MON2: variants seen among roughly 807,000 people sequenced by gnomAD.
MON2 encodes MON2 regulator of endosome-to-Golgi trafficking.
Under a neutral mutation model 208.6 loss-of-function variants are expected in MON2, and 84 were observed. The observed-to-expected ratio is 0.40, with a 90% CI of 0.34 to 0.48. The LOEUF (loss-of-function observed/expected upper bound fraction) is 0.48, where lower values mean the gene tolerates loss of function less well. Ranked by LOEUF, MON2 falls within the 20% of genes least tolerant of loss-of-function variation. The probability of loss-of-function intolerance (pLI) is 0.59; values close to 1 mark genes in which losing one functional copy is unlikely to be tolerated. For synonymous variants in MON2, 660 were observed against 694.0 expected (o/e 0.95, Z 0.77); for missense variants, 1,611 against 2,015.4 (o/e 0.80, Z 3.84).
At chr12:62,502,270 G>A (rs552237531) in intron 7 of MON2, among the ~76,000 whole-genome samples, 1 of 152,022 alleles carries the variant, frequency 6.6e-6, no homozygotes, top group Admixed American at 6.6e-5. Flanking sequence ...GCATGGTGGT[G>A]CATGTCTGTA....
chr12:62,580,053 G>C (rs2074947029), intron 31 of MON2, among the ~76,000 whole-genome samples: 1 of 152,060 alleles, frequency 6.6e-6, no homozygotes, highest in Non-Finnish European at 1.5e-5. Flanking sequence ...ATCAACATTT[G>C]TCCAAATGGT....
At position 62,532,621 on chromosome 12, in the gene MON2, A is replaced by C. The variant is rs149178566; in HGVS notation, c.1584A>C (p.Thr528=). The change falls in exon 12 of 35, where the codon ACA becomes ACC. Residue 528 remains threonine, a synonymous_variant. Transcript: ENST00000393630. ...TEEGSSPTQS[T]EQQDLQSTSD... is the part of the protein sequence containing the mutation. ...AAGGTTCTTCACCAACACAGTCGAC[A>C]GAACAGCAGGATTTACAGTCAACAT... 3 of 1,614,002 alleles carry C rather than the reference A, an allele frequency of 1.9e-6. No homozygotes were observed. In the African/African-American group the frequency reaches 4.0e-5, roughly 22 times the overall value.
At chr12:62,544,387 A>G (rs1024816809) in intron 20 of MON2, among the ~76,000 whole-genome samples, 7 of 152,190 alleles carry the variant, frequency 4.6e-5, no homozygotes, top group African/African-American at 1.7e-4. Flanking sequence ...TTGACGCTGC[A>G]GTGATCTGTG....
intron 26 of MON2, among the ~76,000 whole-genome samples, chr12:62,562,055 G>A (rs1402246792): frequency 2.6e-5 from 4 of 152,118 alleles, no homozygotes; most frequent in African/African-American, 7.2e-5. Flanking sequence ...AAAATTCAGT[G>A]TAGGGGTATT....
At chr12:62,506,146 A>G (rs1165128683) in intron 7 of MON2, among the ~76,000 whole-genome samples, 1 of 152,208 alleles carries the variant, frequency 6.6e-6, no homozygotes, top group Non-Finnish European at 1.5e-5. Flanking sequence ...TTTAACCAAT[A>G]TACAAAATAA....
At chr12:62,541,997 G>C (rs2073263300) in intron 19 of MON2, among the ~76,000 whole-genome samples, 1 of 152,028 alleles carries the variant, frequency 6.6e-6, no homozygotes, top group African/African-American at 2.4e-5. Context: ...AAAACTTTCA[G>C]AAGAGGTACA....
At chr12:62,484,291 A>G in intron 2 of MON2, 58 bp downstream of exon 2, 3 of 1,099,340 alleles carry the variant, frequency 2.7e-6, no homozygotes, top group Non-Finnish European at 4.0e-6. Flanking sequence ...TAGTAAAAGT[A>G]GAATCTTTAT....
At chr12:62,561,192 A>T in intron 26 of MON2, 79 bp downstream of exon 26, 1 of 1,212,774 alleles carries the variant, frequency 8.2e-7, no homozygotes, top group Admixed American at 2.6e-5. Context: ...ATTTGCGGGG[A>T]TAAATTTTAG....
chr12:62,583,018 G>A (rs1288115841), intron 32 of MON2, among the ~76,000 whole-genome samples: 1 of 152,172 alleles, frequency 6.6e-6, no homozygotes, highest in African/African-American at 2.4e-5. Context: ...TTTAAAAAAT[G>A]CTACATAAAA....
intron 32 of MON2, among the ~76,000 whole-genome samples, chr12:62,582,337 A>G (rs919705016): frequency 2.0e-5 from 3 of 152,156 alleles, no homozygotes; most frequent in African/African-American, 7.2e-5. Flanking sequence ...TTGCCATATG[A>G]CACATGTCTT....
intron 31 of MON2, 36 bp from the exon 32 acceptor site, chr12:62,580,261 A>T: frequency 6.3e-7 from 1 of 1,586,596 alleles, no homozygotes; most frequent in Admixed American, 1.8e-5. Context: ...TCTTTCAAAG[A>T]AAACAATACA....
chr12:62,506,703 G>A (rs2071118338), intron 7 of MON2, among the ~76,000 whole-genome samples: 1 of 147,546 alleles, frequency 6.8e-6, no homozygotes, highest in Non-Finnish European at 1.5e-5. Flanking sequence ...TCCAGCCTGG[G>A]TAACAGAGTG....
intron 1 of MON2, among the ~76,000 whole-genome samples, chr12:62,471,126 T>C (rs1009742283): frequency 6.6e-6 from 1 of 152,124 alleles, no homozygotes; most frequent in African/African-American, 2.4e-5. Flanking sequence ...CTTGGGAAAC[T>C]AGGTGGATCA....
chr12:62,489,082 G>A (rs1401090568), intron 2 of MON2, among the ~76,000 whole-genome samples: 1 of 152,078 alleles, frequency 6.6e-6, no homozygotes, highest in Non-Finnish European at 1.5e-5. Flanking sequence ...ATTTCCTTAT[G>A]TTAGGCATGT....
chr12:62,494,698 C>T (rs969175445), intron 3 of MON2, among the ~76,000 whole-genome samples: 3 of 152,008 alleles, frequency 2.0e-5, no homozygotes, highest in Non-Finnish European at 4.4e-5. Flanking sequence ...TGCATATGTC[C>T]GTATTATTCA....
chr12:62,566,583 C>A, intron 29 of MON2, 133 bp downstream of exon 29: 1 of 945,248 alleles, frequency 1.1e-6, no homozygotes, highest in South Asian at 2.4e-5. Context: ...AATGACTTTT[C>A]TCCAATATTC....
chr12:62,545,117 A>T (rs1055420468), intron 21 of MON2, 109 bp downstream of exon 21: 1 of 625,286 alleles, frequency 1.6e-6, no homozygotes, highest in South Asian at 3.2e-5. Context: ...AGGGTTTTTA[A>T]CTTAATATTC....
chr12:62,563,372 G>A (rs948078732), intron 26 of MON2, among the ~76,000 whole-genome samples: 68 of 152,232 alleles, frequency 4.5e-4, no homozygotes, highest in African/African-American at 1.5e-3. Context: ...ACCTTAGTAC[G>A]TGCCAGGCAC....
At position 62,508,294 on chromosome 12, in the gene MON2, A is replaced by C; in HGVS notation, c.798A>C (p.Glu266Asp). ...TTTTTCCTTGCAAATAGCACCAAGA[A>C]TTTAGTTTCCTCCTCAAAGAAAGGG... ...DFPQVFLQHQEFSFLLKERVC... is the reference protein window; with the variant it reads ...DFPQVFLQHQDFSFLLKERVC... The change falls in exon 8 of 35, where the codon GAA becomes GAC. Residue 266 changes from glutamate to aspartate, a missense_variant. Coordinates refer to ENST00000393630, the MANE Select transcript of MON2 (RefSeq NM_015026.3). The C allele has an allele frequency of 2.5e-6, 4 of 1,610,934 alleles. No individual in the cohort carries two copies. In the African/African-American group the frequency reaches 4.0e-5, roughly 16 times the overall value.
Sources: allele counts gnomAD v4.1 joint callset (sites outside exome capture counted in the v4.1 genomes callset), GRCh38; gene constraint gnomAD v4.1.1; transcripts MANE v1.5; gene names NCBI Gene and HGNC (gene_info 2026-07-23, HGNC 2026-07-21).